The following TMEM255A variants were observed in gnomAD, a reference collection of about 807,000 sequenced individuals.
TMEM255A encodes the protein family with sequence similarity 70, member A.
A neutral mutation model predicts 23.5 loss-of-function variants in TMEM255A; 14 were observed. That is an observed-to-expected ratio of 0.60 (90% CI 0.39 to 0.93). The LOEUF (loss-of-function observed/expected upper bound fraction) is 0.93. Among genes scored for constraint, TMEM255A ranks in the 40% least tolerant of loss-of-function variants. The probability of loss-of-function intolerance (pLI) is 0.00; values close to 1 mark genes in which losing one functional copy is unlikely to be tolerated. For missense variants in TMEM255A, 233 were observed against 261.7 expected, an observed-to-expected ratio of 0.89 and a Z score of 0.76; for synonymous variants, 104 against 100.3, an observed-to-expected ratio of 1.04 and a Z score of -0.22.
chrX:120,287,146 T>A lies in TMEM255A; in HGVS notation c.423+8A>T. Reference sequence around the variant, plus strand: ...GAGGTAAAGACATGCAGCCTCATTCTGGCTCACCTCCTCAGCTTCCTTCTG... The same window carrying A: ...GAGGTAAAGACATGCAGCCTCATTCAGGCTCACCTCCTCAGCTTCCTTCTG... On this transcript the variant is annotated splice_region_variant and intron_variant, in intron 5 of 8. Transcript: ENST00000371369. The A allele has an allele frequency of 8.3e-7, 1 of 1,205,581 alleles. No homozygotes were observed. Among genetic ancestry groups the A allele is most frequent in the Non-Finnish European group, 1.1e-6 (1 of 889,579 alleles).
chrX:120,256,666 A>G (rs1476402742), downstream of TMEM255A: 2 of 123,297 alleles, frequency 1.6e-5, no homozygotes, highest in Admixed American at 9.5e-5. Flanking sequence ...TTAAACACTT[A>G]GAAAATAAAG....
At chrX:120,266,155 A>G (rs2057716271) in intron 8 of TMEM255A, among the ~76,000 whole-genome samples, 1 of 100,575 alleles carries the variant, frequency 9.9e-6, no homozygotes, top group Non-Finnish European at 2.0e-5. Flanking sequence ...CTCTGTCTCA[A>G]AAAAAAAAAA....
intron 7 of TMEM255A, among the ~76,000 whole-genome samples, chrX:120,276,101 T>C (rs1228727298): frequency 1.8e-5 from 2 of 111,410 alleles, no homozygotes; most frequent in African/African-American, 6.5e-5. Context: ...GGGCAGGTGA[T>C]TCTTATATGA....
In TMEM255A at chrX:120,259,413, T is replaced by TAGC. The variant is rs782571673; in HGVS notation, c.*1456_*1457insGCT. 1 of 112,541 alleles carries TAGC rather than the reference T, an allele frequency of 8.9e-6. No homozygotes were observed. The highest frequency in any genetic ancestry group is 1.9e-5 in the Non-Finnish European group (1 of 53,227). 9.3% of individuals were successfully genotyped at this position (112,541 alleles called of 1,213,427 possible). A position where few individuals can be genotyped will look rare whatever the true frequency, so the allele number is the denominator to read the frequency against. ...GCACTTCTTGTGCCTTGATTCTTGA[T>TAGC]GGCTAAGTGTCTACAAGGTAGATGG... On this transcript the variant is annotated 3_prime_UTR_variant, in exon 9 of 9. Coordinates refer to ENST00000371369, the MANE Select transcript of TMEM255A (RefSeq NM_001104544.3).
At chrX:120,296,059 T>C (rs2057952466) in intron 2 of TMEM255A, among the ~76,000 whole-genome samples, 1 of 111,856 alleles carries the variant, frequency 8.9e-6, no homozygotes, top group Admixed American at 9.5e-5. Context: ...TCTCTCCTTT[T>C]GGCACTCTGG....
chrX:120,285,313 AG>A, intron 5 of TMEM255A, 98 bp from the exon 6 acceptor site: 1 of 797,806 alleles, frequency 1.3e-6, no homozygotes, highest in Non-Finnish European at 1.9e-6. Context: ...GGAGACAGTA[AG>A]GATGGCTTTG....
intron 7 of TMEM255A, among the ~76,000 whole-genome samples, chrX:120,276,545 C>CA (rs2057799771): frequency 9.0e-6 from 1 of 111,637 alleles, no homozygotes; most frequent in Non-Finnish European, 1.9e-5. Flanking sequence ...AAACTATTCC[C>CA]AAAAAATTTT....
chrX:120,280,287 C>T (rs782044319), intron 6 of TMEM255A, among the ~76,000 whole-genome samples: 1 of 110,283 alleles, frequency 9.1e-6, no homozygotes, highest in South Asian at 3.9e-4. Context: ...AGCCACTGTC[C>T]CTGGCCAGTA....
intron 6 of TMEM255A, 143 bp from the exon 7 acceptor site, chrX:120,277,190 A>G (rs138863929): frequency 0.044 from 19,938 of 450,947 alleles, 565 homozygotes; most frequent in African/African-American, 0.13. Context: ...AAGAGACATC[A>G]TAGCCATGTA....
chrX:120,264,255 G>C, intron 8 of TMEM255A, among the ~76,000 whole-genome samples: 1 of 111,864 alleles, frequency 8.9e-6, no homozygotes, highest in South Asian at 3.8e-4. Flanking sequence ...AAAGCTGAAG[G>C]GGTGGTGGGG....
chrX:120,277,200 A>G (rs2057805365), intron 6 of TMEM255A, among the ~76,000 whole-genome samples, 153 bp from the exon 7 acceptor site: 1 of 111,703 alleles, frequency 9.0e-6, no homozygotes, highest in Non-Finnish European at 1.9e-5. Flanking sequence ...ATAGCCATGT[A>G]CTATAATAAA....
chrX:120,296,972 TTATATATATTA>T (rs1438079530), intron 2 of TMEM255A, among the ~76,000 whole-genome samples: 2 of 1,634 alleles, frequency 1.2e-3, no homozygotes, highest in African/African-American at 5.2e-3. Context: ...ATATATAATA[TTATATATATTA>T]TATATATATT....
chrX:120,303,408 G>A (rs1464496782), intron 2 of TMEM255A, among the ~76,000 whole-genome samples: 15 of 111,386 alleles, frequency 1.3e-4, no homozygotes, highest in Non-Finnish European at 2.8e-4. Flanking sequence ...TGCCTGGATT[G>A]TATTATCCAA....
Position 120,268,355 on chromosome X carries a change from A to G in TMEM255A, c.708T>C (p.Val236=). 8.3e-7 allele frequency: 1 copy of G among 1,210,261 alleles called. No individual in the cohort carries two copies. Among genetic ancestry groups the G allele is most frequent in the Non-Finnish European group, 1.1e-6 (1 of 894,869 alleles). Reference sequence around the variant, plus strand: ...AAGAAACTGTTGGATGGGTATTTTCAACAGAACAGTTCAGTGCTGGGAGAG... The same window carrying G: ...AAGAAACTGTTGGATGGGTATTTTCGACAGAACAGTTCAGTGCTGGGAGAG... ...NPTLPALNCS[V]ENTHPTVSYY... The change falls in exon 8 of 9, where the codon GTT becomes GTC. Residue 236 remains valine (V), a synonymous_variant. Transcript: ENST00000371369.
At chrX:120,287,308 T>A in intron 4 of TMEM255A, 86 bp from the exon 5 acceptor site, 1 of 470,501 alleles carries the variant, frequency 2.1e-6, no homozygotes, top group Non-Finnish European at 3.6e-6. Flanking sequence ...AAGGTTTGAA[T>A]ACACACACAC....
At chrX:120,293,065 G>C in intron 3 of TMEM255A, among the ~76,000 whole-genome samples, 1 of 112,256 alleles carries the variant, frequency 8.9e-6, no homozygotes, top group Non-Finnish European at 1.9e-5. Context: ...CTCCCTTGAG[G>C]GTGATTCCCC....
rs782365091 is a variant in TMEM255A at position 120,261,130 on chromosome X, T to C, written c.820-102A>G. 5.8e-6 allele frequency: 6 copies of C among 1,031,887 alleles called. No individual in the cohort carries two copies. The South Asian group carries it at 1.3e-4, about 22-fold the overall frequency. The allele number at this position is 1,031,887 out of a possible 1,213,427, so 85.0% of individuals were successfully genotyped here. A position where few individuals can be genotyped will look rare whatever the true frequency, so the allele number is the denominator to read the frequency against. ...AATATGGGCCAAAGCTTTTTTTCTATTTGGAAGAACAGAGAGCTCCCAAAC... is the reference window on the plus strand; with the variant it reads ...AATATGGGCCAAAGCTTTTTTTCTACTTGGAAGAACAGAGAGCTCCCAAAC... On this transcript the variant is annotated intron_variant, in intron 8 of 8. Coordinates refer to ENST00000371369, the MANE Select transcript of TMEM255A (RefSeq NM_001104544.3).
chrX:120,285,596 G>A (rs1197438992), intron 5 of TMEM255A: 14 of 1,207,324 alleles, frequency 1.2e-5, no homozygotes, highest in East Asian at 5.9e-5. Context: ...CAGAGGAGCC[G>A]GCGCATGCAC....
intron 7 of TMEM255A, among the ~76,000 whole-genome samples, chrX:120,275,994 G>A (rs2057796022): frequency 9.2e-6 from 1 of 108,961 alleles, no homozygotes; most frequent in South Asian, 4.1e-4. Context: ...TAGAGACAGG[G>A]GCTGTTGCTC....
Sources: gnomAD v4.1 joint callset for allele counts (sites outside exome capture counted in the v4.1 genomes callset) on GRCh38, gnomAD v4.1.1 for gene constraint, MANE v1.5 for transcripts, NCBI Gene and HGNC (gene_info 2026-07-23, HGNC 2026-07-21) for gene names.